FOXP2: variants seen among roughly 807,000 people sequenced by gnomAD.
The protein encoded by FOXP2 is forkhead box P2.
FOXP2 carries 12 observed loss-of-function variants against 115.8 expected under a neutral mutation model. That is an observed-to-expected ratio of 0.10 (90% confidence interval 0.07 to 0.17). FOXP2 has a LOEUF of 0.17. Ranked by LOEUF, FOXP2 falls within the 10% of genes least tolerant of loss-of-function variation. FOXP2 has a pLI of 1.00. For synonymous variants in FOXP2, 328 were observed against 297.7 expected (o/e 1.10, Z -1.05); for missense variants, 629 against 843.5 (o/e 0.75, Z 3.15).
intron 2 of FOXP2, among the ~76,000 whole-genome samples, chr7:114,485,425 T>C (rs959160566): frequency 6.6e-6 from 1 of 151,794 alleles, no homozygotes; most frequent in Non-Finnish European, 1.5e-5. Flanking sequence ...AGGTCTTAAA[T>C]TTTTTTTAAA....
At chr7:114,532,294 T>A (rs183212428) in intron 2 of FOXP2, among the ~76,000 whole-genome samples, 1 of 152,078 alleles carries the variant, frequency 6.6e-6, no homozygotes, top group East Asian at 1.9e-4. Flanking sequence ...GTTGTTCTAT[T>A]CGTTTACAGA....
chr7:114,628,863 T>TA (rs1319256192), intron 4 of FOXP2, 186 bp downstream of exon 4: 12 of 673,148 alleles, frequency 1.8e-5, no homozygotes, highest in South Asian at 1.7e-4. Flanking sequence ...CTTATTTTTT[T>TA]AAAAAAATTA....
chr7:114,637,217 A>G (rs536320522), intron 6 of FOXP2, among the ~76,000 whole-genome samples: 1 of 152,288 alleles, frequency 6.6e-6, no homozygotes, highest in East Asian at 1.9e-4. Flanking sequence ...AATTTGATTA[A>G]GGAATTACCC....
At chr7:114,342,941 C>A (rs1256680629) in intron 2 of FOXP2, among the ~76,000 whole-genome samples, 1 of 151,456 alleles carries the variant, frequency 6.6e-6, no homozygotes, top group Non-Finnish European at 1.5e-5. Flanking sequence ...GTTCAGAAAT[C>A]TAAAAATGCT....
At chr7:114,138,241 G>A (rs1792095316) in intron 1 of FOXP2, among the ~76,000 whole-genome samples, 1 of 152,060 alleles carries the variant, frequency 6.6e-6, no homozygotes, top group Admixed American at 6.6e-5. Flanking sequence ...AGAGAATACA[G>A]TATGTCAAGA....
At chr7:114,666,151 C>T (rs1807150401) in intron 16 of FOXP2, 1 of 151,860 alleles carries the variant, frequency 6.6e-6, no homozygotes, top group Non-Finnish European at 1.5e-5. Context: ...TAATATATAA[C>T]ACATTTTATG....
At chr7:114,294,814 C>G (rs919987338) in intron 2 of FOXP2, among the ~76,000 whole-genome samples, 9 of 151,850 alleles carry the variant, frequency 5.9e-5, no homozygotes, top group African/African-American at 2.2e-4. Flanking sequence ...GCATTCCAGC[C>G]TGGGCAACAG....
At chr7:114,375,248 T>C (rs1420102183) in intron 2 of FOXP2, among the ~76,000 whole-genome samples, 2 of 152,192 alleles carry the variant, frequency 1.3e-5, no homozygotes, top group African/African-American at 4.8e-5. Flanking sequence ...TGGAACAAAA[T>C]GTATGTTTTC....
intron 2 of FOXP2, among the ~76,000 whole-genome samples, chr7:114,327,066 CTGAAT>C (rs1001986597): frequency 2.0e-5 from 3 of 152,190 alleles, no homozygotes; most frequent in South Asian, 2.1e-4. Context: ...AGGAAGCCTT[CTGAAT>C]TGCAGACCTG....
intron 1 of FOXP2, among the ~76,000 whole-genome samples, chr7:114,124,877 G>C (rs1354615540): frequency 6.6e-6 from 1 of 151,906 alleles, no homozygotes. Flanking sequence ...TGTGATAATT[G>C]CTACAATTCA....
chr7:114,282,836 A>G (rs928892253), intron 1 of FOXP2, among the ~76,000 whole-genome samples: 1 of 152,152 alleles, frequency 6.6e-6, no homozygotes, highest in African/African-American at 2.4e-5. Context: ...TCTGTTTGCA[A>G]CATCTGTACA....
intron 3 of FOXP2, among the ~76,000 whole-genome samples, chr7:114,626,549 C>T (rs1240945301): frequency 2.0e-5 from 3 of 146,656 alleles, no homozygotes; most frequent in Non-Finnish European, 4.5e-5. Flanking sequence ...CTCTCTCTCT[C>T]TCTGTCTCTC....
chr7:114,329,412 A>G (rs888668958), intron 2 of FOXP2, among the ~76,000 whole-genome samples: 17 of 150,734 alleles, frequency 1.1e-4, no homozygotes, highest in Non-Finnish European at 1.8e-4. Context: ...CCAACTACCC[A>G]GGAGGCTGAG....
intron 3 of FOXP2, among the ~76,000 whole-genome samples, chr7:114,617,660 G>C (rs1202365294): frequency 6.6e-6 from 1 of 152,180 alleles, no homozygotes; most frequent in Non-Finnish European, 1.5e-5. Flanking sequence ...AGGCATGATG[G>C]CGGGTGCCTG....
intron 1 of FOXP2, among the ~76,000 whole-genome samples, chr7:114,147,159 G>A (rs1381813590): frequency 6.6e-6 from 1 of 152,102 alleles, no homozygotes; most frequent in Non-Finnish European, 1.5e-5. Context: ...TCTTGGTTAA[G>A]TTATTTAATT....
chr7:114,651,014 T>C (rs1806220335), intron 8 of FOXP2, among the ~76,000 whole-genome samples: 1 of 152,104 alleles, frequency 6.6e-6, no homozygotes, highest in Non-Finnish European at 1.5e-5. Context: ...TTAATTACTC[T>C]TCATATGTTT....
chr7:114,537,748 A>G (rs554557211), intron 3 of FOXP2, among the ~76,000 whole-genome samples: 2 of 151,812 alleles, frequency 1.3e-5, no homozygotes, highest in Admixed American at 1.3e-4. Flanking sequence ...ACTTTCATGT[A>G]TAGATATCTG....
intron 3 of FOXP2, among the ~76,000 whole-genome samples, chr7:114,590,628 T>C (rs535930496): frequency 1.3e-5 from 2 of 152,304 alleles, no homozygotes; most frequent in Admixed American, 1.3e-4. Flanking sequence ...AACTTTTAGG[T>C]CCGTCTTGCT....
chr7:114,604,097 G>A (rs1803177752), intron 3 of FOXP2, among the ~76,000 whole-genome samples: 1 of 152,138 alleles, frequency 6.6e-6, no homozygotes, highest in Non-Finnish European at 1.5e-5. Flanking sequence ...TTAAACAACA[G>A]ACATTTCTCA....
Sources: allele counts gnomAD v4.1 joint callset (sites outside exome capture counted in the v4.1 genomes callset), GRCh38; gene constraint gnomAD v4.1.1; transcripts MANE v1.5; gene names NCBI Gene and HGNC (gene_info 2026-07-23, HGNC 2026-07-21).